Variants in LPIN3 observed in about 807,000 individuals in gnomAD.
The protein encoded by LPIN3 is lipin 3, also known as phosphatidate phosphatase LPIN3.
In LPIN3, 82 loss-of-function variants were observed where a neutral mutation model predicts 94.7. That is an observed-to-expected ratio of 0.87 (90% CI 0.72 to 1.04). The LOEUF is 1.04. Among genes scored for constraint, LPIN3 ranks in the 50% least tolerant of loss-of-function variants. The pLI, the probability that LPIN3 is intolerant of heterozygous loss-of-function variation, is 0.00. For synonymous variants in LPIN3, 418 were observed against 443.3 expected, an observed-to-expected ratio of 0.94 and a Z score of 0.72; for missense variants, 996 against 1,090.5, an observed-to-expected ratio of 0.91 and a Z score of 1.22.
intron 6 of LPIN3, 63 bp from the exon 7 acceptor site, chr20:41,349,991 CA>C: frequency 6.4e-7 from 1 of 1,559,480 alleles, no homozygotes; most frequent in Non-Finnish European, 8.7e-7. Flanking sequence ...GCCACTGCCC[CA>C]AAAGCTTTGT....
Position 41,352,108 on chromosome 20 carries a change from G to A in LPIN3, c.1251G>A (p.Lys417=). The A allele has an allele frequency of 6.2e-7, 1 of 1,614,244 alleles. No homozygotes were observed. The highest frequency in any genetic ancestry group is 8.5e-7 in the Non-Finnish European group (1 of 1,180,048). ...ARRWSEPSSQ[K]SLRDPNPEHE... Reference sequence around the variant, plus strand: ...GATGGAGTGAACCCAGCAGTCAGAAGTCCCTGAGGGACCCCAACCCTGAAC... The same window carrying A: ...GATGGAGTGAACCCAGCAGTCAGAAATCCCTGAGGGACCCCAACCCTGAAC... The change falls in exon 9 of 20, where the codon AAG becomes AAA. Residue 417 remains lysine (K), a synonymous_variant. Coordinates refer to ENST00000373257, the MANE Select transcript of LPIN3 (RefSeq NM_022896.3).
At chr20:41,351,359 C>T (rs888407461) in intron 7 of LPIN3, among the ~76,000 whole-genome samples, 3 of 146,538 alleles carry the variant, frequency 2.0e-5, no homozygotes, top group Admixed American at 6.9e-5. Context: ...TGCAGTGGTG[C>T]GACCTCGGCT....
intron 1 of LPIN3, among the ~76,000 whole-genome samples, chr20:41,344,637 C>G (rs567820698): frequency 1.3e-5 from 2 of 152,310 alleles, no homozygotes; most frequent in South Asian, 4.2e-4. Flanking sequence ...GGAGGAGGCT[C>G]TCATCATAGC....
chr20:41,357,491 CTCTAGAGAG>C, intron 16 of LPIN3, 44 bp downstream of exon 16: 1 of 1,525,476 alleles, frequency 6.6e-7, no homozygotes, highest in South Asian at 1.1e-5. Flanking sequence ...AGGCCCCCAG[CTCTAGAGAG>C]GGAGTGACAG....
In LPIN3 at chr20:41,345,066, C is replaced by T. The variant is rs16985669; in HGVS notation, c.-8-730C>T. Reference sequence around the variant, plus strand: ...TGGTCCCCCATAAGTCAGCTACAATCGCCCAGCAAGACACCTTCCAACTCA... The same window carrying T: ...TGGTCCCCCATAAGTCAGCTACAATTGCCCAGCAAGACACCTTCCAACTCA... On this transcript the variant is annotated intron_variant, in intron 1 of 19. Transcript: ENST00000373257. 9.0e-3 allele frequency among the ~76,000 whole-genome samples: 1,375 copies of T among 152,348 alleles called. 14 individuals carry two copies. The highest frequency in any genetic ancestry group is 0.028 in the African/African-American group (1,172 of 41,570).
rs748438432 is a variant in LPIN3, at chr20:41,350,223, GAC to G, written c.932_933del (p.Thr311ArgfsTer69). 1.2e-6 allele frequency: 2 copies of G among 1,613,706 alleles called. No homozygotes were observed. The highest frequency in any genetic ancestry group is 2.7e-5 in the African/African-American group (2 of 75,044). The part of the protein sequence containing the change: ...QTEAGADLQP[D>X]TEDPTLVGPP... ...AGAGGCTGGTGCCGACCTTCAGCCTGACACAGAGGATCCCACTCTAGTGGGTC... is the reference window on the plus strand; with the variant it reads ...AGAGGCTGGTGCCGACCTTCAGCCTGACAGAGGATCCCACTCTAGTGGGTC... On this transcript the variant is annotated frameshift_variant, in exon 7 of 20. Coordinates refer to ENST00000373257, the MANE Select transcript of LPIN3 (RefSeq NM_022896.3). LOFTEE classifies it high-confidence loss of function.
chr20:41,347,195 C>T (rs1486785754), intron 2 of LPIN3, among the ~76,000 whole-genome samples: 1 of 152,202 alleles, frequency 6.6e-6, no homozygotes, highest in Non-Finnish European at 1.5e-5. Flanking sequence ...ACAGCGATCA[C>T]AAGAGAGACC....
chr20:41,348,688 TC>T lies in LPIN3; in HGVS notation c.361del (p.Gln121SerfsTer60). 6.2e-7 allele frequency: 1 copy of T among 1,613,900 alleles called. No individual in the cohort carries two copies. Among genetic ancestry groups the T allele is most frequent in the South Asian group, 1.1e-5 (1 of 91,064 alleles). ...GGGTCTGTCTGGCTTCCCCTCGGACTCCCAGCTGGGCACTGCCAGTGAGCCT... is the reference window on the plus strand; with the variant it reads ...GGGTCTGTCTGGCTTCCCCTCGGACTCCAGCTGGGCACTGCCAGTGAGCCT... ...WGGLSGFPSD[S>X]QLGTASEPEG... On this transcript the variant is annotated frameshift_variant, in exon 4 of 20. Transcript: ENST00000373257. LOFTEE classifies it high-confidence loss of function.
At chr20:41,344,572 C>A (rs1205268226) in intron 1 of LPIN3, among the ~76,000 whole-genome samples, 2 of 152,196 alleles carry the variant, frequency 1.3e-5, no homozygotes, top group African/African-American at 2.4e-5. Context: ...ACTGGCCTGG[C>A]CAGGAGGGCA....
In LPIN3 at chr20:41,345,933, C is replaced by A; in HGVS notation, c.130C>A (p.Arg44=). Residue 44 remains arginine (R), a synonymous_variant, in exon 2 of 20, where the codon CGG becomes AGG. Coordinates refer to ENST00000373257, the MANE Select transcript of LPIN3 (RefSeq NM_022896.3). ...LVVKQVDGSF[R]CSPFHVRFGK... ...GGTGAAGCAGGTGGACGGCTCGTTC[C>A]GGTGCTCACCCTTCCACGTGCGTTT... 6.2e-7 allele frequency: 1 copy of A among 1,614,142 alleles called. No individual in the cohort carries two copies. Among genetic ancestry groups the A allele is most frequent in the Non-Finnish European group, 8.5e-7 (1 of 1,180,028 alleles).
rs2046247713 is a variant in LPIN3 at position 41,357,360 on chromosome 20, G to C, written c.1953-1G>C. The C allele has an allele frequency of 3.7e-6, 6 of 1,613,808 alleles. No individual in the cohort carries two copies. Among genetic ancestry groups the C allele is most frequent in the African/African-American group, 1.3e-5 (1 of 74,910 alleles). ...GAGTAACCCTTCCTCTCTCACTCTA[G>C]GTCAGATGCTCTGGGCCATATCCTG... On this transcript the variant is annotated splice_acceptor_variant, in intron 15 of 19. Coordinates refer to ENST00000373257, the MANE Select transcript of LPIN3 (RefSeq NM_022896.3). LOFTEE classifies it high-confidence loss of function.
At chr20:41,350,504 T>C in intron 7 of LPIN3, 107 bp downstream of exon 7, 1 of 866,326 alleles carries the variant, frequency 1.2e-6, no homozygotes, top group Non-Finnish European at 1.8e-6. Flanking sequence ...TGCTAGGTGC[T>C]GTTCTTGGCA....
Position 41,348,511 on chromosome 20 carries a change from A to G in LPIN3, c.289-108A>G, listed in dbSNP as rs1020871388. ...TCCACACCTGTTTTCCTGACCCTAAATGAGCTCACTCCAGGGCTGGGACCC... is the reference window on the plus strand; with the variant it reads ...TCCACACCTGTTTTCCTGACCCTAAGTGAGCTCACTCCAGGGCTGGGACCC... On this transcript the variant is annotated intron_variant, in intron 3 of 19. Coordinates refer to ENST00000373257, the MANE Select transcript of LPIN3 (RefSeq NM_022896.3). 3.4e-6 allele frequency: 5 copies of G among 1,469,740 alleles called. No homozygotes were observed. In the African/African-American group the frequency reaches 5.6e-5, roughly 17 times the overall value. The allele number at this position is 1,469,740 out of a possible 1,614,324, so 91.0% of individuals were successfully genotyped here. A position where few individuals can be genotyped will look rare whatever the true frequency, so the allele number is the denominator to read the frequency against.
rs1209572850 is a variant in LPIN3 at position 41,358,419 on chromosome 20, G to T, written c.2308-20G>T. 1 of 1,613,380 alleles carries T rather than the reference G, an allele frequency of 6.2e-7. No homozygotes were observed. Among genetic ancestry groups the T allele is most frequent in the South Asian group, 1.1e-5 (1 of 91,058 alleles). On this transcript the variant is annotated intron_variant, in intron 18 of 19. Coordinates refer to ENST00000373257, the MANE Select transcript of LPIN3 (RefSeq NM_022896.3). The stretch of plus-strand genomic sequence containing the variant: ...CTGCCTGCAGGCCTCCATTCCATGG[G>T]CCCCTCCTGTCTCCCACAGGATGTC...
intron 7 of LPIN3, among the ~76,000 whole-genome samples, chr20:41,351,342 G>A (rs558435639): frequency 2.6e-4 from 39 of 149,088 alleles, no homozygotes; most frequent in Non-Finnish European, 4.4e-4. Flanking sequence ...TGTCACCCAG[G>A]CTGGAGTGCA....
intron 16 of LPIN3, 73 bp downstream of exon 16, chr20:41,357,520 T>C: frequency 1.5e-6 from 2 of 1,350,322 alleles, no homozygotes. Context: ...GGACAGGACA[T>C]CTTGGGGACC....
intron 7 of LPIN3, among the ~76,000 whole-genome samples, chr20:41,351,432 G>T (rs1390858092): frequency 6.6e-6 from 1 of 151,178 alleles, no homozygotes; most frequent in Non-Finnish European, 1.5e-5. Context: ...GAGTAGCTGG[G>T]ACTACAGGCA....
At chr20:41,349,249 T>C in intron 5 of LPIN3, 77 bp downstream of exon 5, 1 of 1,272,550 alleles carries the variant, frequency 7.9e-7, no homozygotes, top group Non-Finnish European at 1.1e-6. Context: ...TCCTGATGAC[T>C]AATGACACAG....
intron 1 of LPIN3, among the ~76,000 whole-genome samples, chr20:41,342,956 C>A (rs917983399): frequency 6.6e-6 from 1 of 152,246 alleles, no homozygotes; most frequent in East Asian, 1.9e-4. Context: ...CTCTGCTATT[C>A]GGCCCTTTCT....
Sources: gnomAD v4.1 joint callset for allele counts (sites outside exome capture counted in the v4.1 genomes callset) on GRCh38, gnomAD v4.1.1 for gene constraint, MANE v1.5 for transcripts, NCBI Gene and HGNC (gene_info 2026-07-23, HGNC 2026-07-21) for gene names.